Variants in CSTL1 observed in about 807,000 individuals in gnomAD.
CSTL1 encodes the protein cystatin like 1, also known as cystatin-like 1.
A neutral mutation model predicts 14.4 loss-of-function variants in CSTL1; 14 were observed. The ratio of observed to expected loss-of-function variants is 0.97; its 90% CI spans 0.64 to 1.52. The LOEUF is 1.52. CSTL1 is among the 40% of genes most tolerant of loss of function. The pLI is 0.00. For missense variants in CSTL1, 170 were observed against 168.7 expected (o/e 1.01, Z -0.04); for synonymous variants, 72 against 67.5 (o/e 1.07, Z -0.33).
intron 2 of CSTL1, among the ~76,000 whole-genome samples, chr20:23,442,091 A>G (rs1304977904): frequency 6.6e-6 from 1 of 152,256 alleles, no homozygotes; most frequent in Non-Finnish European, 1.5e-5. Flanking sequence ...AAATCAATCC[A>G]TCACCATTAA....
chr20:23,452,756 A>G, the CSTL1 span: 3 of 1,614,166 alleles, frequency 1.9e-6, no homozygotes, highest in South Asian at 2.2e-5. Context: ...GAGGGCCATC[A>G]GAGTCAATAG....
chr20:23,449,093 G>A (rs1243739152), downstream of CSTL1, among the ~76,000 whole-genome samples: 1 of 152,122 alleles, frequency 6.6e-6, no homozygotes, highest in Non-Finnish European at 1.5e-5. Flanking sequence ...ATCCCATCTT[G>A]GTGAGAACTG....
At chr20:23,448,885 A>G, downstream of CSTL1, among the ~76,000 whole-genome samples, 1 of 152,200 alleles carries the variant, frequency 6.6e-6, no homozygotes. Flanking sequence ...CATTATCATC[A>G]TCAATCTTTA....
chr20:23,440,291 C>G lies in CSTL1; in HGVS notation c.24C>G (p.Asn8Lys), dbSNP rs765909056. 1 of 1,614,018 alleles carries G rather than the reference C, an allele frequency of 6.2e-7. No homozygotes were observed. The highest frequency in any genetic ancestry group is 1.3e-5 in the African/African-American group (1 of 74,904). Residue 8 changes from asparagine to lysine, a missense_variant, in exon 2 of 4, where the codon AAC (asparagine) becomes AAG (lysine). By Grantham distance (94) the Asn-to-Lys change is moderately conservative. Coordinates refer to ENST00000347397, the MANE Select transcript of CSTL1 (RefSeq NM_138283.1). Reference sequence around the variant, plus strand: ...ACATGGGGATCGGATGCTGGAGAAACCCCCTGCTGCTGCTGATTGCCCTGG... The same window carrying G: ...ACATGGGGATCGGATGCTGGAGAAAGCCCCTGCTGCTGCTGATTGCCCTGG... MGIGCWR[N>K]PLLLLIALVL...
chr20:23,448,032 A>C (rs1987002714), downstream of CSTL1, among the ~76,000 whole-genome samples: 1 of 151,242 alleles, frequency 6.6e-6, no homozygotes, highest in African/African-American at 2.4e-5. Flanking sequence ...TATTATTATT[A>C]TTGTTATTAT....
intron 2 of CSTL1, 148 bp downstream of exon 2, chr20:23,440,634 T>C (rs1986807694): frequency 2.7e-6 from 2 of 735,804 alleles, no homozygotes; most frequent in South Asian, 2.8e-5. Context: ...AGCAGGTACA[T>C]TGTAGAGTTG....
downstream of CSTL1, among the ~76,000 whole-genome samples, chr20:23,448,440 C>T (rs564543152): frequency 2.0e-5 from 3 of 152,166 alleles, no homozygotes; most frequent in South Asian, 2.1e-4. Flanking sequence ...GCTGGTTACA[C>T]GAATGTACAC....
the CSTL1 span, among the ~76,000 whole-genome samples, chr20:23,452,126 TC>T: frequency 6.6e-6 from 1 of 152,202 alleles, no homozygotes; most frequent in African/African-American, 2.4e-5. Flanking sequence ...ACATGAACTT[TC>T]CCCCTGGGCA....
At chr20:23,444,612 C>G (rs957822702) in intron 3 of CSTL1, among the ~76,000 whole-genome samples, 159 bp from the exon 4 acceptor site, 1 of 152,216 alleles carries the variant, frequency 6.6e-6, no homozygotes, top group Non-Finnish European at 1.5e-5. Flanking sequence ...CTGTTCCAGA[C>G]TGGCACTCCT....
At chr20:23,441,387 G>T (rs1244267201) in intron 2 of CSTL1, among the ~76,000 whole-genome samples, 2 of 152,186 alleles carry the variant, frequency 1.3e-5, no homozygotes, top group Admixed American at 6.5e-5. Context: ...ATAGAAGAAA[G>T]AAAAGTTGTT....
the CSTL1 span, among the ~76,000 whole-genome samples, chr20:23,454,234 G>A: frequency 7.0e-6 from 1 of 143,452 alleles, no homozygotes; most frequent in Non-Finnish European, 1.5e-5. Context: ...ACACCTACAC[G>A]TACATGCCCA....
chr20:23,453,683 C>A, the CSTL1 span, among the ~76,000 whole-genome samples: 1 of 152,086 alleles, frequency 6.6e-6, no homozygotes, highest in African/African-American at 2.4e-5. Context: ...TGGGAAGATG[C>A]GATATAAAAA....
the CSTL1 span, among the ~76,000 whole-genome samples, chr20:23,452,184 G>A: frequency 1.3e-5 from 2 of 152,300 alleles, no homozygotes; most frequent in East Asian, 1.9e-4. Context: ...TTCTGGATAG[G>A]GGTCTGTAAA....
At chr20:23,440,684 C>A in intron 2 of CSTL1, 198 bp downstream of exon 2, 1 of 680,240 alleles carries the variant, frequency 1.5e-6, no homozygotes, top group Non-Finnish European at 2.7e-6. Context: ...TTCCAAAATG[C>A]TTTCCTAAGG....
the CSTL1 span, among the ~76,000 whole-genome samples, chr20:23,456,117 G>A: frequency 3.9e-5 from 6 of 152,168 alleles, no homozygotes; most frequent in Admixed American, 3.9e-4. Context: ...TGCCCCTTAT[G>A]GGGAACAGGC....
downstream of CSTL1, among the ~76,000 whole-genome samples, chr20:23,445,228 T>TTTC (rs1986942597): frequency 6.8e-6 from 1 of 147,692 alleles, no homozygotes; most frequent in Non-Finnish European, 1.5e-5. Context: ...CCTTTCTTTC[T>TTTC]TTCTTTTTTT....
chr20:23,440,757 T>A (rs940507493), intron 2 of CSTL1: 6 of 58,576 alleles, frequency 1.0e-4, no homozygotes, highest in Non-Finnish European at 1.3e-4. Context: ...GATTAAACTC[T>A]TTTTTTTTTT....
chr20:23,454,445 CAG>C, the CSTL1 span, among the ~76,000 whole-genome samples: 1 of 152,110 alleles, frequency 6.6e-6, no homozygotes, highest in Non-Finnish European at 1.5e-5. Context: ...CTAAAACACA[CAG>C]ACACAGTACA....
Position 23,443,968 on chromosome 20 carries a change from A to G in CSTL1, c.254A>G (p.Lys85Arg). ...TTGVEYIVTV[K>R]IGWTKCKRND... ...GGAGTGGAGTATATAGTCACTGTGAAGATTGGCTGGACCAAATGCAAGAGG... is the reference window on the plus strand; with the variant it reads ...GGAGTGGAGTATATAGTCACTGTGAGGATTGGCTGGACCAAATGCAAGAGG... The change falls in exon 3 of 4, where the codon AAG (lysine) becomes AGG (arginine). Residue 85 changes from lysine (K) to arginine (R), a missense_variant. Transcript: ENST00000347397. The G allele has an allele frequency of 6.2e-7, 1 of 1,614,188 alleles. No homozygotes were observed. Among genetic ancestry groups the G allele is most frequent in the Non-Finnish European group, 8.5e-7 (1 of 1,179,986 alleles).
Sources: gnomAD v4.1 joint callset for allele counts (sites outside exome capture counted in the v4.1 genomes callset) on GRCh38, gnomAD v4.1.1 for gene constraint, MANE v1.5 for transcripts, NCBI Gene and HGNC (gene_info 2026-07-23, HGNC 2026-07-21) for gene names.